Variants in GTF2A1 observed in about 807,000 individuals in gnomAD.
GTF2A1 encodes transcription initiation factor IIA subunit 1.
GTF2A1 carries 12 observed loss-of-function variants against 54.1 expected under a neutral mutation model. The ratio of observed to expected loss-of-function variants is 0.22; its 90% CI spans 0.14 to 0.36. GTF2A1 has a LOEUF of 0.36. Ranked by LOEUF, GTF2A1 falls within the 10% of genes least tolerant of loss-of-function variation. The pLI is 1.00. For synonymous variants in GTF2A1, 145 were observed against 152.0 expected, an observed-to-expected ratio of 0.95 and a Z score of 0.34; for missense variants, 335 against 442.2, an observed-to-expected ratio of 0.76 and a Z score of 2.17.
rs918342039 is a variant in GTF2A1 at position 81,184,692 on chromosome 14, C to A, written c.1023+839G>T. On this transcript the variant is annotated intron_variant, in intron 8 of 8. Transcript: ENST00000553612. ...AACTTCATGCAAGGCATGAATTTTA[C>A]ATGTTCATAACTACATCGCCAGGGC... 6.6e-5 allele frequency among the ~76,000 whole-genome samples: 10 copies of A among 152,296 alleles called. No homozygotes were observed. In the South Asian group the frequency reaches 1.7e-3, roughly 25 times the overall value.
At chr14:81,189,400 G>A (rs780305445) in intron 7 of GTF2A1, among the ~76,000 whole-genome samples, 8 of 152,154 alleles carry the variant, frequency 5.3e-5, no homozygotes, top group African/African-American at 7.2e-5. Flanking sequence ...GGCCAGGCGC[G>A]GTGGCTCATG....
chr14:81,184,794 G>C (rs1055715200), intron 8 of GTF2A1, among the ~76,000 whole-genome samples: 9 of 151,876 alleles, frequency 5.9e-5, no homozygotes, highest in Non-Finnish European at 1.0e-4. Flanking sequence ...TTTAGCATTT[G>C]GTAAAGATCT....
At chr14:81,190,572 G>A (rs937329030) in intron 7 of GTF2A1, among the ~76,000 whole-genome samples, 4 of 151,906 alleles carry the variant, frequency 2.6e-5, no homozygotes, top group African/African-American at 7.3e-5. Flanking sequence ...TGCAGAAAAG[G>A]TGTTTAATTA....
intron 2 of GTF2A1, among the ~76,000 whole-genome samples, chr14:81,215,553 TA>T (rs989033221): frequency 6.6e-6 from 1 of 151,934 alleles, no homozygotes. Flanking sequence ...CAACTGCTAA[TA>T]AAAAAAATCT....
intron 6 of GTF2A1, 134 bp downstream of exon 6, chr14:81,195,974 G>A: frequency 1.4e-6 from 1 of 713,916 alleles, no homozygotes; most frequent in South Asian, 1.8e-5. Context: ...CTGTATACAG[G>A]AGAAATTTGA....
intron 8 of GTF2A1, among the ~76,000 whole-genome samples, chr14:81,183,680 T>C (rs1192065582): frequency 1.3e-5 from 2 of 152,220 alleles, no homozygotes; most frequent in African/African-American, 4.8e-5. Flanking sequence ...TTTACCTACA[T>C]CTGATGCTAT....
At chr14:81,184,578 C>T (rs1299816109) in intron 8 of GTF2A1, among the ~76,000 whole-genome samples, 1 of 152,128 alleles carries the variant, frequency 6.6e-6, no homozygotes, top group Non-Finnish European at 1.5e-5. Flanking sequence ...GGCATTCTCC[C>T]TATAGATCTG....
rs1159588824 is a variant in GTF2A1 at position 81,185,402 on chromosome 14, TC to T, written c.1023+128del. 5.6e-6 allele frequency: 3 copies of T among 534,358 alleles called. No homozygotes were observed. The African/African-American group carries it at 5.8e-5, about 10-fold the overall frequency. 33.1% of individuals were successfully genotyped at this position (534,358 alleles called of 1,614,324 possible). A position where few individuals can be genotyped will look rare whatever the true frequency, so the allele number is the denominator to read the frequency against. ...AATCCACAAAACTCTAACAGGGTTT[TC>T]GTACTATTCATAATGAATTTAAGAG... On this transcript the variant is annotated intron_variant, in intron 8 of 8. Coordinates refer to ENST00000553612, the MANE Select transcript of GTF2A1 (RefSeq NM_015859.4).
At chr14:81,217,912 A>G (rs1323069000) in intron 1 of GTF2A1, among the ~76,000 whole-genome samples, 1 of 152,032 alleles carries the variant, frequency 6.6e-6, no homozygotes, top group Non-Finnish European at 1.5e-5. Flanking sequence ...TTTACTGTTC[A>G]CTCACTAACC....
At chr14:81,200,555 A>C (rs1893082415) in intron 4 of GTF2A1, among the ~76,000 whole-genome samples, 1 of 150,634 alleles carries the variant, frequency 6.6e-6, no homozygotes, top group Non-Finnish European at 1.5e-5. Flanking sequence ...TGAACCTAGG[A>C]GGCGGAGGTT....
At position 81,196,190 on chromosome 14, in the gene GTF2A1, T is replaced by C; in HGVS notation, c.530A>G (p.Gln177Arg). The C allele has an allele frequency of 1.2e-6, 2 of 1,614,040 alleles. No homozygotes were observed. The highest frequency in any genetic ancestry group is 1.7e-6 in the Non-Finnish European group (2 of 1,179,888). The change falls in exon 6 of 9, where the codon CAG (glutamine) becomes CGG (arginine). Residue 177 changes from glutamine (Q) to arginine (R), a missense_variant. Transcript: ENST00000553612. ...TTGTAGAACCACTGACTGCTGAGGCTGAAAGATATATTGGGCACCATTGGC... is the reference window on the plus strand; with the variant it reads ...TTGTAGAACCACTGACTGCTGAGGCCGAAAGATATATTGGGCACCATTGGC... ...RAANGAQYIFQPQQSVVLQQQ... is the reference protein window; with the variant it reads ...RAANGAQYIFRPQQSVVLQQQ...
At chr14:81,216,281 T>C (rs964331508) in intron 2 of GTF2A1, 132 bp downstream of exon 2, 18 of 575,402 alleles carry the variant, frequency 3.1e-5, no homozygotes, top group African/African-American at 1.7e-4. Flanking sequence ...CATGGCAGAG[T>C]TGGGATTTAA....
At chr14:81,220,046 G>A (rs996357862) in intron 1 of GTF2A1, among the ~76,000 whole-genome samples, 3 of 151,946 alleles carry the variant, frequency 2.0e-5, no homozygotes, top group Non-Finnish European at 4.4e-5. Flanking sequence ...GGATCACGAT[G>A]GGTCTCGGGG....
intron 2 of GTF2A1, among the ~76,000 whole-genome samples, chr14:81,204,761 A>G (rs913146499): frequency 2.0e-5 from 3 of 152,170 alleles, no homozygotes; most frequent in African/African-American, 2.4e-5. Context: ...AGCCATTTCT[A>G]TTTTCTCATT....
intron 2 of GTF2A1, among the ~76,000 whole-genome samples, chr14:81,207,699 T>C (rs977443596): frequency 1.3e-5 from 2 of 152,234 alleles, no homozygotes; most frequent in African/African-American, 4.8e-5. Context: ...ACGAAAATGC[T>C]GATAGTGATA....
chr14:81,180,815 G>T (rs577477189), intron 8 of GTF2A1, among the ~76,000 whole-genome samples: 6 of 152,066 alleles, frequency 3.9e-5, no homozygotes, highest in Non-Finnish European at 5.9e-5. Context: ...TATTTTCAAG[G>T]TCTACCTCAA....
rs1309372821 is a variant in GTF2A1 at position 81,216,430 on chromosome 14, G to C, written c.115C>G (p.Leu39Val). 4 of 1,424,136 alleles carry C rather than the reference G, an allele frequency of 2.8e-6. No individual in the cohort carries two copies. Among genetic ancestry groups the C allele is most frequent in the Non-Finnish European group, 4.0e-6 (4 of 1,007,770 alleles). The allele number at this position is 1,424,136 out of a possible 1,614,324, so 88.2% of individuals were successfully genotyped here. A position where few individuals can be genotyped will look rare whatever the true frequency, so the allele number is the denominator to read the frequency against. ...FLDDGVDEQVLMELKTLWENK... is the reference protein window; with the variant it reads ...FLDDGVDEQVVMELKTLWENK... ...AAACTCACAGTTTTTAGTTCCATCA[G>C]TACTTGTTCATCCACTCCATCATCC... The change falls in exon 2 of 9, where the codon CTG becomes GTG. Residue 39 changes from leucine to valine, a missense_variant. By Grantham distance (32) the Leu-to-Val change is conservative. This residue lies in a region of GTF2A1 where 306 missense variants were observed against 360.4 expected (regional missense o/e 0.85). Coordinates refer to ENST00000553612, the MANE Select transcript of GTF2A1 (RefSeq NM_015859.4).
rs760278846 is a variant in GTF2A1, at chr14:81,177,222, TAA to T, written c.*2999_*3000del. On this transcript the variant is annotated 3_prime_UTR_variant, in exon 9 of 9. Coordinates refer to ENST00000553612, the MANE Select transcript of GTF2A1 (RefSeq NM_015859.4). ...TAGAACAAGAAAGTGGCTTTGCTTT[TAA>T]AAGAGGCAACAGTGTAAATGTGACA... is the stretch of plus-strand genomic sequence containing the variant. 2 of 152,164 alleles carry T rather than the reference TAA, an allele frequency of 1.3e-5. No individual in the cohort carries two copies. Among genetic ancestry groups the T allele is most frequent in the Non-Finnish European group, 2.9e-5 (2 of 67,974 alleles). The allele number at this position is 152,164 out of a possible 1,614,324, so 9.4% of individuals were successfully genotyped here.
In GTF2A1 at chr14:81,179,507, C is replaced by T. The variant is rs1442538732; in HGVS notation, c.*716G>A. On this transcript the variant is annotated 3_prime_UTR_variant, in exon 9 of 9. Coordinates refer to ENST00000553612, the MANE Select transcript of GTF2A1 (RefSeq NM_015859.4). ...GGAAATTAAAGTTGTGGTTTCAATT[C>T]CACTGAACTCAGACAAGACCCAAGT... 1 of 152,126 alleles carries T rather than the reference C, an allele frequency of 6.6e-6. No individual in the cohort carries two copies. The highest frequency in any genetic ancestry group is 1.5e-5 in the Non-Finnish European group (1 of 68,010). The allele number at this position is 152,126 out of a possible 1,614,324, so 9.4% of individuals were successfully genotyped here. A position where few individuals can be genotyped will look rare whatever the true frequency, so the allele number is the denominator to read the frequency against.
Sources: allele counts gnomAD v4.1 joint callset (sites outside exome capture counted in the v4.1 genomes callset), GRCh38; gene constraint gnomAD v4.1.1; regional missense constraint gnomAD v4.1.1; transcripts MANE v1.5; gene names NCBI Gene and HGNC (gene_info 2026-07-23, HGNC 2026-07-21).